Variants in RHOT2 observed in about 807,000 individuals in gnomAD.
RHOT2 encodes mitochondrial Rho GTPase 2.
RHOT2 carries 90 observed loss-of-function variants against 81.6 expected under a neutral mutation model. The observed-to-expected ratio is 1.10, with a 90% CI of 0.93 to 1.31. The LOEUF is 1.31. Ranked by LOEUF, RHOT2 falls within the 40% of genes most tolerant of loss-of-function variation. RHOT2 has a pLI of 0.00. For missense variants in RHOT2, 1,014 were observed against 841.9 expected, an observed-to-expected ratio of 1.20 and a Z score of -2.53; for synonymous variants, 512 against 370.9, an observed-to-expected ratio of 1.38 and a Z score of -4.37.
In RHOT2 at chr16:670,174, A is replaced by C. The variant is rs1453984337; in HGVS notation, c.328A>C (p.Arg110=). 1 of 1,603,844 alleles carries C rather than the reference A, an allele frequency of 6.2e-7. No homozygotes were observed. Among genetic ancestry groups the C allele is most frequent in the East Asian group, 2.2e-5 (1 of 44,728 alleles). The stretch of plus-strand genomic sequence containing the variant: ...GAATGGGGGGACCACGCAGGGGCCC[A>C]GGTAATGAGGGGATGTGGAAGGGGC... The part of the protein sequence containing the change: ...LVNGGTTQGP[R]VPIILVGNKS... The change falls in exon 6 of 19, where the codon AGG becomes CGG. Residue 110 remains arginine (R), a splice_region_variant and synonymous_variant. Coordinates refer to ENST00000315082, the MANE Select transcript of RHOT2 (RefSeq NM_138769.3).
chr16:671,016 C>A lies in RHOT2; in HGVS notation c.748+16C>A. The stretch of plus-strand genomic sequence containing the variant: ...ACCCTGGATGGTGAGGCCGGGTGCC[C>A]GCCTGTGCCTGGGGAGTGTGGGGAG... On this transcript the variant is annotated intron_variant, in intron 10 of 18. Transcript: ENST00000315082. 1 of 1,601,134 alleles carries A rather than the reference C, an allele frequency of 6.2e-7. No homozygotes were observed.
rs566277827 is a variant in RHOT2 at position 674,001 on chromosome 16, G to A, written c.*395G>A. ...GTGGCCAGTGGGTATGAGGAGGGCT[G>A]GAAGGCAGAGCTTTGGGCCAAAAGC... On this transcript the variant is annotated 3_prime_UTR_variant, in exon 19 of 19. Transcript: ENST00000315082. 2.4e-5 allele frequency: 9 copies of A among 376,666 alleles called. No individual in the cohort carries two copies. Among genetic ancestry groups the A allele is most frequent in the Admixed American group, 1.8e-4 (5 of 28,268 alleles). 23.3% of individuals were successfully genotyped at this position (376,666 alleles called of 1,614,324 possible). A position where few individuals can be genotyped will look rare whatever the true frequency, so the allele number is the denominator to read the frequency against.
At chr16:668,926 C>G (rs112991044) in intron 4 of RHOT2, 1 of 536,124 alleles carries the variant, frequency 1.9e-6, no homozygotes, top group Admixed American at 3.9e-5. Flanking sequence ...CGCGGGCTCT[C>G]CCTCCCTCCT....
At chr16:668,873 C>G (rs1048691849) in intron 4 of RHOT2, 174 bp downstream of exon 4, 1 of 624,284 alleles carries the variant, frequency 1.6e-6, no homozygotes, top group Non-Finnish European at 2.7e-6. Context: ...GGAGCCGGCA[C>G]CGCTCAGTCC....
chr16:672,483 C>T lies in RHOT2; in HGVS notation c.1327-6C>T, dbSNP rs1287073755. The T allele has an allele frequency of 4.3e-6, 7 of 1,612,498 alleles. No individual in the cohort carries two copies. The South Asian group carries it at 4.4e-5, about 10-fold the overall frequency. On this transcript the variant is annotated splice_region_variant and splice_polypyrimidine_tract_variant and intron_variant, in intron 15 of 18. Transcript: ENST00000315082. ...CCAGCGAGTGTCAGGACTTCACCTC[C>T]CTCAGCACCAGGACACGAGGGAGCA...
chr16:673,187 G>A, intron 18 of RHOT2, 57 bp downstream of exon 18: 1 of 1,554,064 alleles, frequency 6.4e-7, no homozygotes, highest in Non-Finnish European at 8.8e-7. Flanking sequence ...CCGAGCAGTG[G>A]GCAGCGGTGG....
At position 668,260 on chromosome 16, in the gene RHOT2, G is replaced by C. The variant is rs747375765; in HGVS notation, c.37+24G>C. 27 of 890,628 alleles carry C rather than the reference G, an allele frequency of 3.0e-5. No homozygotes were observed. In the African/African-American group the frequency reaches 3.6e-4, roughly 12 times the overall value. 55.2% of individuals were successfully genotyped at this position (890,628 alleles called of 1,614,324 possible). A position where few individuals can be genotyped will look rare whatever the true frequency, so the allele number is the denominator to read the frequency against. On this transcript the variant is annotated intron_variant, in intron 1 of 18. Coordinates refer to ENST00000315082, the MANE Select transcript of RHOT2 (RefSeq NM_138769.3). ...GGGTAGGCGCCGGCCCGGGGGTCTC[G>C]GAGCTGCGGCGGCCGTGAGGCGGGG...
At chr16:673,265 C>G (rs368090443) in intron 18 of RHOT2, 135 bp downstream of exon 18, 15 of 1,279,590 alleles carry the variant, frequency 1.2e-5, no homozygotes, top group Non-Finnish European at 1.7e-5. Context: ...GGCGTCAGGC[C>G]TGGAACTGGG....
intron 12 of RHOT2, 29 bp downstream of exon 12, chr16:671,810 G>GCC: frequency 6.3e-7 from 1 of 1,586,158 alleles, no homozygotes; most frequent in Non-Finnish European, 8.6e-7. Context: ...CCCTGCCCCT[G>GCC]CCCCCGCCCC....
At position 670,357 on chromosome 16, in the gene RHOT2, G is replaced by A. The variant is rs375834736; in HGVS notation, c.438G>A (p.Glu146=). 1.3e-5 allele frequency: 21 copies of A among 1,612,524 alleles called. No homozygotes were observed. The highest frequency in any genetic ancestry group is 1.7e-5 in the Non-Finnish European group (20 of 1,179,756). The change falls in exon 7 of 19, where the codon GAG becomes GAA. Residue 146 remains glutamate, a splice_region_variant and synonymous_variant. Coordinates refer to ENST00000315082, the MANE Select transcript of RHOT2 (RefSeq NM_138769.3). ...SQFPEIETCV[E]CSAKNLRNIS... ...TTCCCGAGATTGAGACCTGCGTGGAGGTGAGTAGGTCCCAGGCAGGGCCGC... is the reference window on the plus strand; with the variant it reads ...TTCCCGAGATTGAGACCTGCGTGGAAGTGAGTAGGTCCCAGGCAGGGCCGC...
intron 14 of RHOT2, 31 bp from the exon 15 acceptor site, chr16:672,223 C>G: frequency 6.2e-7 from 1 of 1,611,916 alleles, no homozygotes; most frequent in Non-Finnish European, 8.5e-7. Context: ...AGTATCCTGG[C>G]AGCTGCCCTA....
At position 673,282 on chromosome 16, in the gene RHOT2, G is replaced by C. The variant is rs1596531212; in HGVS notation, c.1730+152G>C. The C allele has an allele frequency of 3.4e-6, 4 of 1,175,776 alleles. No individual in the cohort carries two copies. In the East Asian group the frequency reaches 1.0e-4, roughly 30 times the overall value. 72.8% of individuals were successfully genotyped at this position (1,175,776 alleles called of 1,614,324 possible). ...CGTCAGGCCTGGAACTGGGGCCAGA[G>C]TGGCGGGGTGGAGCTTTGTGTGGCA... is the stretch of plus-strand genomic sequence containing the variant. On this transcript the variant is annotated intron_variant, in intron 18 of 18. Coordinates refer to ENST00000315082, the MANE Select transcript of RHOT2 (RefSeq NM_138769.3).
intron 14 of RHOT2, 35 bp downstream of exon 14, chr16:672,216 A>G (rs544595917): frequency 6.2e-7 from 1 of 1,612,086 alleles, no homozygotes; most frequent in Non-Finnish European, 8.5e-7. Flanking sequence ...TGGGCCCAGT[A>G]TCCTGGCAGC....
chr16:668,731 T>G (rs1483620612), intron 4 of RHOT2, 32 bp downstream of exon 4: 1 of 1,568,902 alleles, frequency 6.4e-7, no homozygotes, highest in South Asian at 1.2e-5. Flanking sequence ...AGGGAGGGGC[T>G]GGGCGCGGGC....
chr16:668,319 T>TTTAAAAA, intron 1 of RHOT2, 34 bp from the exon 2 acceptor site: 1 of 1,292,984 alleles, frequency 7.7e-7, no homozygotes, highest in South Asian at 2.3e-5. Context: ...CGCCGTGACC[T>TTTAAAAA]TGGCCCTCGC....
At position 670,556 on chromosome 16, in the gene RHOT2, A is replaced by C; in HGVS notation, c.539A>C (p.Gln180Pro). Residue 180 changes from glutamine (Q) to proline (P), a missense_variant and splice_region_variant, in exon 8 of 19, where the codon CAG becomes CCG. By Grantham distance (76) the Gln-to-Pro change is moderately conservative (BLOSUM62 -1). Coordinates refer to ENST00000315082, the MANE Select transcript of RHOT2 (RefSeq NM_138769.3). ...CCCCTCTATGACCCTGAGGCCAAGC[A>C]GGTGAGCATCGGCTGGGGCCCCGCA... ...TAPLYDPEAKQLRPACAQALT... is the reference protein window; with the variant it reads ...TAPLYDPEAKPLRPACAQALT... 6.2e-7 allele frequency: 1 copy of C among 1,602,868 alleles called. No homozygotes were observed. Among genetic ancestry groups the C allele is most frequent in the Middle Eastern group, 1.7e-4 (1 of 6,002 alleles).
rs1246952377 is a variant in RHOT2, at chr16:670,065, A to C, written c.277-58A>C. On this transcript the variant is annotated intron_variant, in intron 5 of 18. Coordinates refer to ENST00000315082, the MANE Select transcript of RHOT2 (RefSeq NM_138769.3). ...TCTCCCCCAGCCAGGCTCATGCTCC[A>C]GCTGGGAGCCATGTGCCCGCGGGCA... The C allele has an allele frequency of 2.0e-6, 3 of 1,469,188 alleles. No homozygotes were observed. The African/African-American group carries it at 4.2e-5, about 21-fold the overall frequency. The allele number at this position is 1,469,188 out of a possible 1,614,324, so 91.0% of individuals were successfully genotyped here. A position where few individuals can be genotyped will look rare whatever the true frequency, so the allele number is the denominator to read the frequency against.
Position 670,752 on chromosome 16 carries a change from CGAA to C in RHOT2, c.621_623del (p.Glu208del). The C allele has an allele frequency of 6.2e-7, 1 of 1,612,288 alleles. No individual in the cohort carries two copies. Among genetic ancestry groups the C allele is most frequent in the Non-Finnish European group, 8.5e-7 (1 of 1,179,934 alleles). On this transcript the variant is annotated inframe_deletion, in exon 9 of 19. Coordinates refer to ENST00000315082, the MANE Select transcript of RHOT2 (RefSeq NM_138769.3). Reference sequence around the variant, plus strand: ...AGGACCTGGACCAGGCGCTCAGTGACGAAGAGCTCAACGCTTTCCAGGTGTGCC... The same window carrying C: ...AGGACCTGGACCAGGCGCTCAGTGACGAGCTCAACGCTTTCCAGGTGTGCC...
Position 671,130 on chromosome 16 carries a change from A to G in RHOT2, c.796A>G (p.Thr266Ala), listed in dbSNP as rs1461062671. The G allele has an allele frequency of 3.7e-6, 6 of 1,605,908 alleles. No individual in the cohort carries two copies. Among genetic ancestry groups the G allele is most frequent in the African/African-American group, 1.3e-5 (1 of 74,562 alleles). The change falls in exon 11 of 19, where the codon ACC (threonine) becomes GCC (alanine). Residue 266 changes from threonine to alanine, a missense_variant. Coordinates refer to ENST00000315082, the MANE Select transcript of RHOT2 (RefSeq NM_138769.3). ...TLFIQRGRHE[T>A]TWTILRRFGY... ...CTTCATCCAGCGCGGCCGGCACGAGACCACCTGGACCATCCTGCGGCGCTT... is the reference window on the plus strand; with the variant it reads ...CTTCATCCAGCGCGGCCGGCACGAGGCCACCTGGACCATCCTGCGGCGCTT...
Sources: allele counts gnomAD v4.1 joint callset, GRCh38; gene constraint gnomAD v4.1.1; transcripts MANE v1.5; gene names NCBI Gene and HGNC (gene_info 2026-07-23, HGNC 2026-07-21).